The following QTGAL variants were observed in gnomAD, a reference collection of about 807,000 sequenced individuals.
QTGAL encodes the protein BGnT-like protein 1.
the QTGAL span, chr17:83,048,414 C>A: frequency 6.3e-6 from 9 of 1,432,016 alleles, no homozygotes; most frequent in East Asian, 2.3e-5. Flanking sequence ...TGTTTCGGTA[C>A]GTAAGTTGAT....
chr17:83,014,540 T>C, the QTGAL span: 1 of 1,613,468 alleles, frequency 6.2e-7, no homozygotes, highest in Non-Finnish European at 8.5e-7. Flanking sequence ...GAACACACTT[T>C]CCGTTTGTTT....
the QTGAL span, among the ~76,000 whole-genome samples, chr17:83,011,221 G>A: frequency 1.3e-5 from 2 of 152,352 alleles, no homozygotes; most frequent in South Asian, 4.1e-4. Context: ...GGGGTTGGCT[G>A]GCCCTCAGGA....
chr17:82,961,040 G>C, the QTGAL span: 1 of 1,602,016 alleles, frequency 6.2e-7, no homozygotes, highest in East Asian at 2.2e-5. Context: ...TCCCGGGGCC[G>C]GGCGGGGCTG....
the QTGAL span, chr17:82,946,781 G>T: frequency 1.0e-6 from 1 of 996,614 alleles, no homozygotes; most frequent in Admixed American, 2.5e-5. Context: ...ATAAGCAGAG[G>T]ACTAACTGTA....
At chr17:83,047,939 GTTCT>G in the QTGAL span, among the ~76,000 whole-genome samples, 3 of 151,988 alleles carry the variant, frequency 2.0e-5, no homozygotes, top group Admixed American at 2.0e-4. Context: ...GTCTACTAAG[GTTCT>G]TTCTTTTCTT....
At chr17:83,050,646 G>A in the QTGAL span, among the ~76,000 whole-genome samples, 3 of 152,226 alleles carry the variant, frequency 2.0e-5, no homozygotes, top group African/African-American at 7.2e-5. Flanking sequence ...CATCCCTGTG[G>A]TTGTTCCCTG....
At chr17:83,000,267 T>C in the QTGAL span, among the ~76,000 whole-genome samples, 1 of 46,436 alleles carries the variant, frequency 2.2e-5, no homozygotes, top group African/African-American at 2.7e-4. Context: ...GGCCGAGAGA[T>C]CACTTTTTTA....
the QTGAL span, among the ~76,000 whole-genome samples, chr17:82,984,515 CAGGAGGAT>C: frequency 6.9e-6 from 1 of 144,036 alleles, no homozygotes; most frequent in Non-Finnish European, 1.5e-5. Flanking sequence ...GGAGAGGCCA[CAGGAGGAT>C]GCAGGGAGAG....
the QTGAL span, among the ~76,000 whole-genome samples, chr17:83,008,746 C>A: frequency 6.6e-6 from 1 of 152,230 alleles, no homozygotes; most frequent in Non-Finnish European, 1.5e-5. Flanking sequence ...GGAGAGAAAG[C>A]GCCCAGCCCG....
the QTGAL span, chr17:82,981,221 C>T: frequency 6.6e-6 from 1 of 152,234 alleles, no homozygotes; most frequent in African/African-American, 2.4e-5. Context: ...TTTAGCAATA[C>T]AGGGTTTAGG....
the QTGAL span, among the ~76,000 whole-genome samples, chr17:82,953,848 C>T: frequency 4.5e-4 from 69 of 152,296 alleles, no homozygotes; most frequent in South Asian, 1.2e-3. Flanking sequence ...GTTCAATATA[C>T]GCAAATCAAT....
chr17:82,982,105 C>CG, the QTGAL span, among the ~76,000 whole-genome samples: 12 of 142,598 alleles, frequency 8.4e-5, no homozygotes, highest in African/African-American at 3.0e-4. Flanking sequence ...GGTGATGGGC[C>CG]AAGCGGGTGG....
chr17:82,960,893 C>G, the QTGAL span, among the ~76,000 whole-genome samples: 1 of 152,262 alleles, frequency 6.6e-6, no homozygotes, highest in African/African-American at 2.4e-5. Flanking sequence ...ATCCCCGCCA[C>G]CCTCGGGATG....
chr17:82,958,905 A>G, the QTGAL span, among the ~76,000 whole-genome samples: 23 of 64,072 alleles, frequency 3.6e-4, 1 homozygote, highest in African/African-American at 1.7e-3. Context: ...GTGTGTGTGT[A>G]TACTGTGTGG....
chr17:83,035,986 G>A, the QTGAL span, among the ~76,000 whole-genome samples: 1 of 142,238 alleles, frequency 7.0e-6, no homozygotes, highest in Non-Finnish European at 1.5e-5. Flanking sequence ...GATCCTCTTG[G>A]CGTGCATCTC....
chr17:83,046,310 T>A, the QTGAL span, among the ~76,000 whole-genome samples: 1 of 151,834 alleles, frequency 6.6e-6, no homozygotes, highest in Admixed American at 6.6e-5. Flanking sequence ...TTTTTTGTGG[T>A]ATTTTTAGTA....
At chr17:82,996,866 C>G in the QTGAL span, among the ~76,000 whole-genome samples, 1 of 152,108 alleles carries the variant, frequency 6.6e-6, no homozygotes, top group Non-Finnish European at 1.5e-5. Context: ...AAATTAGACC[C>G]CTATCTTTCA....
chr17:83,028,522 C>CAAAAAAAAAA, the QTGAL span, among the ~76,000 whole-genome samples: 4 of 52,236 alleles, frequency 7.7e-5, no homozygotes, highest in East Asian at 5.8e-4. Context: ...GACTCCATCT[C>CAAAAAAAAAA]AAAAAAAAAA....
At chr17:83,035,967 G>A in the QTGAL span, among the ~76,000 whole-genome samples, 1 of 136,098 alleles carries the variant, frequency 7.3e-6, no homozygotes, top group Non-Finnish European at 1.6e-5. Context: ...GGCTGGACGC[G>A]TGGTGGGTGA....
Sources: allele counts gnomAD v4.1 joint callset (sites outside exome capture counted in the v4.1 genomes callset), GRCh38; gene constraint gnomAD v4.1.1; transcripts MANE v1.5; gene names NCBI Gene and HGNC (gene_info 2026-07-23, HGNC 2026-07-21).